The following AKR1E2 variants were observed in gnomAD, a reference collection of about 807,000 sequenced individuals.
AKR1E2 encodes aldo-keto reductase family 1 member E2.
In AKR1E2, 43 loss-of-function variants were observed where a neutral mutation model predicts 41.9. The observed-to-expected ratio is 1.03, with a 90% CI of 0.80 to 1.32. The LOEUF (loss-of-function observed/expected upper bound fraction) is 1.32, where lower values mean the gene tolerates loss of function less well. AKR1E2 is among the 40% of genes most tolerant of loss of function. AKR1E2 has a pLI of 0.00. For missense variants in AKR1E2, 423 were observed against 396.5 expected (o/e 1.07, Z -0.57); for synonymous variants, 121 against 138.9 (o/e 0.87, Z 0.91).
At chr10:4,830,559 C>A in intron 1 of AKR1E2, 116 bp from the exon 2 acceptor site, 2 of 1,193,234 alleles carry the variant, frequency 1.7e-6, no homozygotes, top group East Asian at 4.9e-5. Flanking sequence ...ATACTAGTAC[C>A]AAATTAGTGA....
At chr10:4,866,767 A>C in the AKR1E2 span, among the ~76,000 whole-genome samples, 4 of 150,786 alleles carry the variant, frequency 2.7e-5, no homozygotes, top group Admixed American at 2.7e-4. Context: ...GGTGGGGGGA[A>C]GCCAGTGAGC....
chr10:4,844,516 G>C (rs1022523525), intron 8 of AKR1E2, among the ~76,000 whole-genome samples: 2 of 152,216 alleles, frequency 1.3e-5, no homozygotes, highest in African/African-American at 4.8e-5. Flanking sequence ...ACATCCTGCT[G>C]ATTGGTCCAT....
chr10:4,869,535 A>G, the AKR1E2 span, among the ~76,000 whole-genome samples: 1 of 150,294 alleles, frequency 6.7e-6, no homozygotes, highest in African/African-American at 2.4e-5. Flanking sequence ...CAGCTCCTCT[A>G]TTTATTATTT....
In AKR1E2 at chr10:4,837,546, A is replaced by C. The variant is rs1255328436; in HGVS notation, c.547A>C (p.Lys183Gln). 6.2e-7 allele frequency: 1 copy of C among 1,614,082 alleles called. No homozygotes were observed. Among genetic ancestry groups the C allele is most frequent in the Non-Finnish European group, 8.5e-7 (1 of 1,179,986 alleles). Residue 183 changes from lysine to glutamine, a missense_variant, in exon 5 of 10, where the codon AAG becomes CAG. Transcript: ENST00000298375. The stretch of plus-strand genomic sequence containing the variant: ...TGAACAGCTTGAGAGGCTTTTGAAT[A>C]AGCCTGGGTTGAGGTTCAAGCCACT... ...NHEQLERLLN[K>Q]PGLRFKPLTN... is the part of the protein sequence containing the mutation.
chr10:4,844,967 C>A (rs921937275), intron 8 of AKR1E2, among the ~76,000 whole-genome samples: 2 of 152,136 alleles, frequency 1.3e-5, no homozygotes, highest in East Asian at 1.9e-4. Flanking sequence ...GAGCAGGGGG[C>A]GGTGCTCGTT....
downstream of AKR1E2, among the ~76,000 whole-genome samples, chr10:4,850,473 C>G (rs1167395557): frequency 2.0e-5 from 3 of 152,186 alleles, no homozygotes; most frequent in Non-Finnish European, 4.4e-5. Flanking sequence ...ATGGCAGGGC[C>G]TCGCTGACTG....
chr10:4,870,492 T>A, the AKR1E2 span, among the ~76,000 whole-genome samples: 1 of 46,186 alleles, frequency 2.2e-5, no homozygotes, highest in Non-Finnish European at 6.5e-5. Context: ...GGAAAAAAAA[T>A]CTTTTATTTT....
chr10:4,830,487 G>T (rs1390829554), intron 1 of AKR1E2, among the ~76,000 whole-genome samples, 188 bp from the exon 2 acceptor site: 1 of 152,086 alleles, frequency 6.6e-6, no homozygotes, highest in Non-Finnish European at 1.5e-5. Flanking sequence ...ATGTAAAGGA[G>T]TTGGAACTTA....
chr10:4,842,296 G>C (rs1833953647), intron 7 of AKR1E2, 125 bp from the exon 8 acceptor site: 2 of 783,980 alleles, frequency 2.6e-6, no homozygotes, highest in Non-Finnish European at 4.2e-6. Flanking sequence ...GTGAATGCCA[G>C]TAACAATAGC....
At chr10:4,839,440 G>GTGTTAACAATCTTTATCTGAGTGC (rs1186925459) in intron 5 of AKR1E2, among the ~76,000 whole-genome samples, 1 of 146,298 alleles carries the variant, frequency 6.8e-6, no homozygotes, top group African/African-American at 2.5e-5. Flanking sequence ...GAGCTATGGT[G>GTGTTAACAATCTTTATCTGAGTGC]TGTTAACAAT....
At chr10:4,858,141 T>G in the AKR1E2 span, among the ~76,000 whole-genome samples, 1 of 152,190 alleles carries the variant, frequency 6.6e-6, no homozygotes, top group Non-Finnish European at 1.5e-5. Context: ...TTCATTGACA[T>G]TTCAGGAAAA....
At chr10:4,837,302 G>A in intron 4 of AKR1E2, 157 bp from the exon 5 acceptor site, 1 of 1,114,628 alleles carries the variant, frequency 9.0e-7, no homozygotes, top group Non-Finnish European at 1.2e-6. Flanking sequence ...ACTGAAATCA[G>A]ACCTTGAGTG....
chr10:4,835,933 G>A (rs1043384644), intron 4 of AKR1E2, 124 bp downstream of exon 4: 8 of 1,369,462 alleles, frequency 5.8e-6, no homozygotes, highest in East Asian at 2.4e-5. Flanking sequence ...GGGGTTTGTG[G>A]AGCAAAAAAG....
At chr10:4,844,998 G>A (rs965084143) in intron 8 of AKR1E2, among the ~76,000 whole-genome samples, 1 of 152,186 alleles carries the variant, frequency 6.6e-6, no homozygotes, top group African/African-American at 2.4e-5. Flanking sequence ...CTGCTGCAGA[G>A]GAGCCCACGG....
intron 3 of AKR1E2, 71 bp downstream of exon 3, chr10:4,833,537 G>A (rs929511023): frequency 2.1e-5 from 27 of 1,314,090 alleles, no homozygotes; most frequent in Admixed American, 3.4e-5. Context: ...CCTGTCTTGC[G>A]GTGGGGAGAG....
intron 7 of AKR1E2, among the ~76,000 whole-genome samples, chr10:4,842,184 TG>T (rs950260079): frequency 2.9e-4 from 44 of 152,164 alleles, no homozygotes; most frequent in African/African-American, 9.9e-4. Flanking sequence ...TAATGTCCAG[TG>T]GGGGGCTGGG....
chr10:4,834,119 A>G (rs189143192), intron 3 of AKR1E2, among the ~76,000 whole-genome samples: 1 of 152,330 alleles, frequency 6.6e-6, no homozygotes, highest in Non-Finnish European at 1.5e-5. Context: ...CTGTGATGAC[A>G]GCCTGCCTGG....
rs1203251929 is a variant in AKR1E2 at position 4,837,451 on chromosome 10, T to C, written c.460-8T>C. Reference sequence around the variant, plus strand: ...AGCTTCACACCCAGCAGAGTCGTTCTCTTATAGGCCATGGAGGACCTGGTG... The same window carrying C: ...AGCTTCACACCCAGCAGAGTCGTTCCCTTATAGGCCATGGAGGACCTGGTG... On this transcript the variant is annotated splice_polypyrimidine_tract_variant and splice_region_variant and intron_variant, in intron 4 of 9. Transcript: ENST00000298375. 4 of 1,613,298 alleles carry C rather than the reference T, an allele frequency of 2.5e-6. No homozygotes were observed. The highest frequency in any genetic ancestry group is 3.4e-6 in the Non-Finnish European group (4 of 1,179,350).
chr10:4,830,646 G>A (rs752391720), intron 1 of AKR1E2, 29 bp from the exon 2 acceptor site: 1 of 1,611,620 alleles, frequency 6.2e-7, no homozygotes, highest in Non-Finnish European at 8.5e-7. Context: ...CTGACTGTGA[G>A]AAGACACTTT....
Sources: gnomAD v4.1 joint callset for allele counts (sites outside exome capture counted in the v4.1 genomes callset) on GRCh38, gnomAD v4.1.1 for gene constraint, MANE v1.5 for transcripts, NCBI Gene and HGNC (gene_info 2026-07-23, HGNC 2026-07-21) for gene names.